The following TBC1D22A variants were observed in gnomAD, a reference collection of about 807,000 sequenced individuals.
TBC1D22A encodes TBC1 domain family member 22A.
TBC1D22A carries 38 observed loss-of-function variants against 60.2 expected under a neutral mutation model. That is an observed-to-expected ratio of 0.63 (90% CI 0.49 to 0.83). The LOEUF (loss-of-function observed/expected upper bound fraction) is 0.83, where lower values mean the gene tolerates loss of function less well. Ranked by LOEUF, TBC1D22A falls within the 40% of genes least tolerant of loss-of-function variation. The probability of loss-of-function intolerance (pLI) is 0.00; values close to 1 mark genes in which losing one functional copy is unlikely to be tolerated. For synonymous variants in TBC1D22A, 302 were observed against 281.7 expected (o/e 1.07, Z -0.72); for missense variants, 628 against 701.0 (o/e 0.90, Z 1.18).
At chr22:47,087,996 C>G (rs994394339) in intron 11 of TBC1D22A, among the ~76,000 whole-genome samples, 1 of 152,034 alleles carries the variant, frequency 6.6e-6, no homozygotes, top group Non-Finnish European at 1.5e-5. Flanking sequence ...TGGCGAGAAC[C>G]CGGGAGGCAG....
intron 4 of TBC1D22A, among the ~76,000 whole-genome samples, chr22:46,834,096 T>C (rs142670403): frequency 6.6e-6 from 1 of 152,266 alleles, no homozygotes; most frequent in Non-Finnish European, 1.5e-5. Context: ...TGAAGTAGAC[T>C]CAACCCCAGC....
chr22:47,174,766 C>T lies in TBC1D22A; in HGVS notation c.*1140C>T, dbSNP rs138095244. On this transcript the variant is annotated 3_prime_UTR_variant, in exon 13 of 13. Coordinates refer to ENST00000337137, the MANE Select transcript of TBC1D22A (RefSeq NM_014346.5). ...GACCAGTTCCCGCTGTATACTGGTT[C>T]TGCCCTGGACTGGTTCCCGCTGTGG... 631 of 148,440 alleles carry T rather than the reference C, an allele frequency of 4.3e-3. 8 individuals carry two copies. The highest frequency in any genetic ancestry group is 0.015 in the African/African-American group (605 of 41,224). 9.2% of individuals were successfully genotyped at this position (148,440 alleles called of 1,614,324 possible).
At position 47,129,615 on chromosome 22, in the gene TBC1D22A, C is replaced by G. The variant is rs539343749; in HGVS notation, c.1425+18012C>G. Among the ~76,000 whole-genome samples, 21 of 152,352 alleles carry G rather than the reference C, an allele frequency of 1.4e-4. No homozygotes were observed. The East Asian group carries it at 4.1e-3, about 29-fold the overall frequency. Reference sequence around the variant, plus strand: ...GCCATTTTCCTGTCACCTTACATTCCTAGAGGAAGGCTCAGCAGAGGGTGT... The same window carrying G: ...GCCATTTTCCTGTCACCTTACATTCGTAGAGGAAGGCTCAGCAGAGGGTGT... On this transcript the variant is annotated intron_variant, in intron 12 of 12. Coordinates refer to ENST00000337137, the MANE Select transcript of TBC1D22A (RefSeq NM_014346.5).
intron 8 of TBC1D22A, among the ~76,000 whole-genome samples, chr22:46,932,574 G>A (rs947594594): frequency 1.3e-5 from 2 of 151,868 alleles, no homozygotes; most frequent in African/African-American, 2.4e-5. Context: ...CCCCCTCCCC[G>A]TGTCTTCTCC....
At chr22:47,094,180 T>C (rs933901906) in intron 11 of TBC1D22A, among the ~76,000 whole-genome samples, 1 of 152,118 alleles carries the variant, frequency 6.6e-6, no homozygotes, top group African/African-American at 2.4e-5. Flanking sequence ...CTTTGATACT[T>C]TTTGAGAAGC....
At chr22:47,069,755 T>C (rs2063898648) in intron 11 of TBC1D22A, among the ~76,000 whole-genome samples, 1 of 102,708 alleles carries the variant, frequency 9.7e-6, no homozygotes, top group Admixed American at 1.1e-4. Context: ...GGAGCTGACC[T>C]GACGGTCCTG....
intron 1 of TBC1D22A, among the ~76,000 whole-genome samples, chr22:46,770,894 C>G (rs1033231481): frequency 6.6e-6 from 1 of 152,158 alleles, no homozygotes; most frequent in Non-Finnish European, 1.5e-5. Context: ...TTGTGTGTTC[C>G]CCGCCAGTTG....
At chr22:46,861,708 C>A (rs572739702) in intron 4 of TBC1D22A, among the ~76,000 whole-genome samples, 1 of 152,368 alleles carries the variant, frequency 6.6e-6, no homozygotes, top group Non-Finnish European at 1.5e-5. Flanking sequence ...CCGCTCAGAA[C>A]CCATGGGCAA....
chr22:47,072,844 A>G (rs972716425), intron 11 of TBC1D22A, among the ~76,000 whole-genome samples: 6 of 152,196 alleles, frequency 3.9e-5, no homozygotes, highest in African/African-American at 1.4e-4. Context: ...GGTCTTGTTC[A>G]TCAGACCTGC....
At chr22:47,010,246 T>G (rs1052786782) in intron 10 of TBC1D22A, among the ~76,000 whole-genome samples, 3 of 152,170 alleles carry the variant, frequency 2.0e-5, no homozygotes, top group African/African-American at 7.2e-5. Context: ...CTGGTGGAAA[T>G]ATTTTTATTA....
intron 8 of TBC1D22A, among the ~76,000 whole-genome samples, chr22:46,916,519 C>G (rs763973138): frequency 1.3e-5 from 2 of 152,262 alleles, no homozygotes; most frequent in Non-Finnish European, 2.9e-5. Context: ...TGCACACACA[C>G]ATGCTGTGCA....
At chr22:47,160,378 G>A (rs895226207) in intron 12 of TBC1D22A, among the ~76,000 whole-genome samples, 3 of 152,212 alleles carry the variant, frequency 2.0e-5, no homozygotes, top group African/African-American at 7.2e-5. Context: ...CTGGAATCAT[G>A]TGGCCCATTG....
At chr22:47,063,660 C>G (rs1569409078) in intron 11 of TBC1D22A, among the ~76,000 whole-genome samples, 1 of 152,276 alleles carries the variant, frequency 6.6e-6, no homozygotes, top group South Asian at 2.1e-4. Context: ...TATCCATGTC[C>G]TAGAGCTGCC....
intron 11 of TBC1D22A, among the ~76,000 whole-genome samples, chr22:47,078,581 C>A (rs1485501939): frequency 2.6e-5 from 4 of 152,230 alleles, no homozygotes; most frequent in Non-Finnish European, 5.9e-5. Context: ...GCACGCAGTG[C>A]CGTGTCACAG....
chr22:47,119,589 T>C (rs5767511), intron 12 of TBC1D22A, among the ~76,000 whole-genome samples: 119,015 of 151,710 alleles, frequency 0.78, 47,210 homozygotes, highest in East Asian at 0.97. Flanking sequence ...CTCCACCTCC[T>C]GGGTTCAAGT....
chr22:47,159,809 C>T (rs1273816009), intron 12 of TBC1D22A, among the ~76,000 whole-genome samples: 3 of 151,606 alleles, frequency 2.0e-5, no homozygotes, highest in Admixed American at 2.0e-4. Context: ...CACATACACC[C>T]ACAGCACACA....
At chr22:46,797,861 G>A (rs1015014505) in intron 4 of TBC1D22A, among the ~76,000 whole-genome samples, 4 of 152,112 alleles carry the variant, frequency 2.6e-5, no homozygotes, top group African/African-American at 4.8e-5. Flanking sequence ...TGTATTTTGC[G>A]TTCCTTTTTG....
intron 6 of TBC1D22A, among the ~76,000 whole-genome samples, chr22:46,893,933 G>A (rs996777369): frequency 3.3e-5 from 5 of 152,254 alleles, no homozygotes; most frequent in African/African-American, 1.2e-4. Flanking sequence ...TTGTAGACAA[G>A]GAAACTGAGG....
rs370583098 is a variant in TBC1D22A at position 47,094,935 on chromosome 22, G to A, written c.1330-16573G>A. The stretch of plus-strand genomic sequence containing the variant: ...CTCAAGACCTGGACAGACACATGCC[G>A]ATAAGAATCTGGCAAAAGAGAACAT... On this transcript the variant is annotated intron_variant, in intron 11 of 12. Transcript: ENST00000337137. Among the ~76,000 whole-genome samples, 24 of 152,298 alleles carry A rather than the reference G, an allele frequency of 1.6e-4. No homozygotes were observed. In the East Asian group the frequency reaches 3.5e-3, roughly 22 times the overall value.
Sources: gnomAD v4.1 joint callset for allele counts (sites outside exome capture counted in the v4.1 genomes callset) on GRCh38, gnomAD v4.1.1 for gene constraint, MANE v1.5 for transcripts, NCBI Gene and HGNC (gene_info 2026-07-23, HGNC 2026-07-21) for gene names.